DNAH7: variants seen among roughly 807,000 people sequenced by gnomAD.
The protein encoded by DNAH7 is axonemal beta dynein heavy chain 7.
In DNAH7, 397 loss-of-function variants were observed where a neutral mutation model predicts 444.6. The observed-to-expected ratio is 0.89, with a 90% CI of 0.82 to 0.97. The LOEUF (loss-of-function observed/expected upper bound fraction) is 0.97. Ranked by LOEUF, DNAH7 falls within the 50% of genes least tolerant of loss-of-function variation. The pLI is 0.00. For synonymous variants in DNAH7, 1,636 were observed against 1,624.4 expected (o/e 1.01, Z -0.17); for missense variants, 4,902 against 4,800.8 (o/e 1.02, Z -0.62).
At chr2:196,003,328 G>T (rs914177396) in intron 10 of DNAH7, among the ~76,000 whole-genome samples, 2 of 152,136 alleles carry the variant, frequency 1.3e-5, no homozygotes, top group African/African-American at 4.8e-5. Context: ...ACAGGGGAAG[G>T]TCCAGTTCAG....
intron 48 of DNAH7, among the ~76,000 whole-genome samples, chr2:195,832,868 G>C (rs187153157): frequency 6.6e-6 from 1 of 152,232 alleles, no homozygotes; most frequent in East Asian, 1.9e-4. Flanking sequence ...AAATCATACA[G>C]TAAATGTTCA....
intron 57 of DNAH7, among the ~76,000 whole-genome samples, chr2:195,791,624 T>C (rs915644076): frequency 2.0e-5 from 3 of 152,152 alleles, no homozygotes; most frequent in Admixed American, 1.3e-4. Flanking sequence ...TCAGCACTAA[T>C]TGCAACAGCA....
At chr2:196,043,459 A>C (rs1575089101) in intron 5 of DNAH7, among the ~76,000 whole-genome samples, 1 of 152,310 alleles carries the variant, frequency 6.6e-6, no homozygotes, top group East Asian at 1.9e-4. Context: ...AACCATAAAA[A>C]TTCTAGAAGA....
At chr2:195,933,761 T>A (rs1217441834) in intron 21 of DNAH7, among the ~76,000 whole-genome samples, 11 of 23,656 alleles carry the variant, frequency 4.6e-4, no homozygotes, top group African/African-American at 6.7e-4. Flanking sequence ...GGGTGGGGGG[T>A]GGGGGGAGGG....
intron 51 of DNAH7, among the ~76,000 whole-genome samples, chr2:195,811,994 A>G (rs1205871260): frequency 1.3e-5 from 2 of 152,156 alleles, no homozygotes; most frequent in African/African-American, 4.8e-5. Context: ...CACTCCTGTA[A>G]ATAACATCAC....
At chr2:195,756,397 T>C in intron 61 of DNAH7, 112 bp from the exon 62 acceptor site, 1 of 1,016,564 alleles carries the variant, frequency 9.8e-7, no homozygotes. Flanking sequence ...TTGTGATTAG[T>C]TAAGGTTGAG....
At chr2:195,773,063 G>A (rs961118020) in intron 60 of DNAH7, among the ~76,000 whole-genome samples, 1 of 152,172 alleles carries the variant, frequency 6.6e-6, no homozygotes, top group Non-Finnish European at 1.5e-5. Flanking sequence ...TTATAGGCAT[G>A]AGCCACCGTG....
intron 61 of DNAH7, among the ~76,000 whole-genome samples, chr2:195,765,038 C>T (rs545076144): frequency 1.7e-4 from 25 of 151,488 alleles, no homozygotes; most frequent in African/African-American, 5.9e-4. Context: ...TAAAAACAGA[C>T]ACACAGCCCA....
Position 195,876,621 on chromosome 2 carries a change from G to A in DNAH7, c.6040C>T (p.Gln2014Ter), listed in dbSNP as rs1288692698. The change falls in exon 37 of 65, where the codon CAA (glutamine) becomes TAA (stop). Residue 2014 changes from glutamine (Q) to a stop codon, truncating the protein, a stop_gained. Transcript: ENST00000312428. LOFTEE classifies it high-confidence loss of function. ...INFSAQTTAAQTQNIVMSKLD... is the reference protein window; with the variant it reads ...INFSAQTTAA ...TTTGACATGACAATATTCTGAGTTT[G>A]AGCTGCTGTAGTTTGTGCTGAGAAG... 3.1e-6 allele frequency: 5 copies of A among 1,613,446 alleles called. No homozygotes were observed. Among genetic ancestry groups the A allele is most frequent in the Non-Finnish European group, 4.2e-6 (5 of 1,179,526 alleles).
intron 64 of DNAH7, among the ~76,000 whole-genome samples, 143 bp downstream of exon 64, chr2:195,740,611 GTGTGTATATATA>G (rs747185254): frequency 0.12 from 8,151 of 65,784 alleles, 342 homozygotes; most frequent in East Asian, 0.27. Flanking sequence ...GTGTGTGTGT[GTGTGTATATATA>G]TATATATATA....
At chr2:195,889,094 T>C in intron 31 of DNAH7, 113 bp from the exon 32 acceptor site, 1 of 1,023,660 alleles carries the variant, frequency 9.8e-7, no homozygotes, top group Non-Finnish European at 1.4e-6. Context: ...ATTAATTTCA[T>C]CATGAAAACG....
rs1299019600 is a variant in DNAH7, at chr2:195,737,721, AGTC to A, written c.*197_*199del. 1.3e-3 allele frequency: 485 copies of A among 359,618 alleles called. 2 individuals are homozygous for A. Among genetic ancestry groups the A allele is most frequent in the African/African-American group, 0.01 (423 of 41,302 alleles). The allele number at this position is 359,618 out of a possible 1,614,324, so 22.3% of individuals were successfully genotyped here. A position where few individuals can be genotyped will look rare whatever the true frequency, so the allele number is the denominator to read the frequency against. On this transcript the variant is annotated 3_prime_UTR_variant, in exon 65 of 65. Transcript: ENST00000312428. ...GCAAATATGCCAGTGTGTTTTCTTT[AGTC>A]TTTATTTCAGAACATTTCCTTACAT...
chr2:195,813,346 T>C (rs1360346403), intron 51 of DNAH7, among the ~76,000 whole-genome samples: 3 of 152,224 alleles, frequency 2.0e-5, no homozygotes, highest in Non-Finnish European at 4.4e-5. Flanking sequence ...CCTCCTCTCG[T>C]TGAATATAAA....
chr2:195,899,173 T>C (rs1459004490), intron 28 of DNAH7, among the ~76,000 whole-genome samples: 1 of 152,232 alleles, frequency 6.6e-6, no homozygotes. Flanking sequence ...ACATCAATTA[T>C]GCAGTGTCAG....
At chr2:196,009,440 A>C (rs1176789305) in intron 10 of DNAH7, among the ~76,000 whole-genome samples, 2 of 152,206 alleles carry the variant, frequency 1.3e-5, no homozygotes, top group African/African-American at 4.8e-5. Flanking sequence ...AAATTTCAAA[A>C]GAGAACAAAA....
chr2:195,940,079 A>G (rs909592476), intron 19 of DNAH7, among the ~76,000 whole-genome samples: 3 of 152,192 alleles, frequency 2.0e-5, no homozygotes, highest in African/African-American at 4.8e-5. Flanking sequence ...ATCCTAAGCA[A>G]AAAGAACAAA....
At chr2:195,858,326 G>A (rs1361305510) in intron 43 of DNAH7, 148 bp downstream of exon 43, 2 of 695,228 alleles carry the variant, frequency 2.9e-6, no homozygotes, top group Non-Finnish European at 4.4e-6. Flanking sequence ...AGTCAATTAG[G>A]GAATTCTTTT....
chr2:195,782,623 G>A (rs894130222), intron 58 of DNAH7, among the ~76,000 whole-genome samples: 3 of 152,022 alleles, frequency 2.0e-5, no homozygotes, highest in Non-Finnish European at 4.4e-5. Flanking sequence ...TTATTTCTGC[G>A]AAGTCCTGAA....
At chr2:195,758,468 T>C (rs1404279815) in intron 61 of DNAH7, among the ~76,000 whole-genome samples, 1 of 152,178 alleles carries the variant, frequency 6.6e-6, no homozygotes, top group African/African-American at 2.4e-5. Flanking sequence ...TGGCATAGGT[T>C]TGAGAAGGGA....
Sources: gnomAD v4.1 joint callset for allele counts (sites outside exome capture counted in the v4.1 genomes callset) on GRCh38, gnomAD v4.1.1 for gene constraint, MANE v1.5 for transcripts, NCBI Gene and HGNC (gene_info 2026-07-23, HGNC 2026-07-21) for gene names.